Variants in MON2 observed in about 807,000 individuals in gnomAD.
MON2 encodes the protein MON2 regulator of endosome-to-Golgi trafficking.
In MON2, 84 loss-of-function variants were observed where a neutral mutation model predicts 208.6. That is an observed-to-expected ratio of 0.40 (90% CI 0.34 to 0.48). The LOEUF (loss-of-function observed/expected upper bound fraction) is 0.48, where lower values mean the gene tolerates loss of function less well. Ranked by LOEUF, MON2 falls within the 20% of genes least tolerant of loss-of-function variation. The pLI, the probability that MON2 is intolerant of heterozygous loss-of-function variation, is 0.59. For synonymous variants in MON2, 660 were observed against 694.0 expected (o/e 0.95, Z 0.77); for missense variants, 1,611 against 2,015.4 (o/e 0.80, Z 3.84).
chr12:62,585,502 G>A lies in MON2; in HGVS notation c.4907+1G>A. ...TAAGTGGTAAATGCCCTCTTCCAAG[G>A]TATATATTTCATTTTATTAAAGAAA... On this transcript the variant is annotated splice_donor_variant, in intron 33 of 34. Transcript: ENST00000393630. LOFTEE classifies it high-confidence loss of function. The A allele has an allele frequency of 6.4e-7, 1 of 1,564,974 alleles. No individual in the cohort carries two copies. Among genetic ancestry groups the A allele is most frequent in the Non-Finnish European group, 8.7e-7 (1 of 1,147,582 alleles).
At chr12:62,532,734 T>TA in intron 12 of MON2, 64 bp downstream of exon 12, 1 of 1,257,734 alleles carries the variant, frequency 8.0e-7, no homozygotes, top group East Asian at 2.5e-5. Flanking sequence ...GCAAAAATTG[T>TA]AGTCTTTATA....
intron 3 of MON2, among the ~76,000 whole-genome samples, chr12:62,494,640 A>G (rs1467154071): frequency 6.6e-6 from 1 of 152,166 alleles, no homozygotes; most frequent in Admixed American, 6.5e-5. Flanking sequence ...TCTGTAGCAT[A>G]CTGTAAATGA....
At chr12:62,577,251 C>G (rs767910753) in intron 30 of MON2, among the ~76,000 whole-genome samples, 42 of 151,968 alleles carry the variant, frequency 2.8e-4, no homozygotes, top group Non-Finnish European at 5.7e-4. Context: ...TTTTTTTACT[C>G]TAGTTCCTAC....
rs1208514948 is a variant in MON2, at chr12:62,592,571, A to G, written c.4991-15A>G. 3.8e-6 allele frequency: 6 copies of G among 1,567,218 alleles called. No individual in the cohort carries two copies. In the East Asian group the frequency reaches 6.8e-5, roughly 18 times the overall value. On this transcript the variant is annotated splice_polypyrimidine_tract_variant and intron_variant, in intron 34 of 34. Transcript: ENST00000393630. ...TAATTCCACCCTTTTGAGGTTTTAT[A>G]CTTTTGCATTACAGTTGATGGAAAT...
chr12:62,577,401 A>T (rs889861534), intron 30 of MON2, among the ~76,000 whole-genome samples: 4 of 152,106 alleles, frequency 2.6e-5, no homozygotes, highest in Non-Finnish European at 4.4e-5. Context: ...TACTCAGTAG[A>T]TATTTGTTGA....
chr12:62,470,648 T>C, intron 1 of MON2: 1 of 838,782 alleles, frequency 1.2e-6, no homozygotes, highest in Non-Finnish European at 1.5e-6. Context: ...CTCTGAAGCT[T>C]TATGTTTATG....
At chr12:62,490,992 A>G (rs1305907762) in intron 2 of MON2, among the ~76,000 whole-genome samples, 4 of 152,206 alleles carry the variant, frequency 2.6e-5, no homozygotes, top group African/African-American at 7.2e-5. Flanking sequence ...TGCATCTTGC[A>G]GTTGATGGCA....
chr12:62,519,524 A>G (rs2071891000), intron 8 of MON2, among the ~76,000 whole-genome samples: 1 of 152,256 alleles, frequency 6.6e-6, no homozygotes, highest in Non-Finnish European at 1.5e-5. Flanking sequence ...AAATGATACT[A>G]AACCTATTAC....
intron 23 of MON2, 47 bp from the exon 24 acceptor site, chr12:62,552,833 TA>T: frequency 1.3e-6 from 2 of 1,497,190 alleles, no homozygotes; most frequent in Non-Finnish European, 1.8e-6. Flanking sequence ...TTTATGTGTT[TA>T]AAACAAAACC....
At chr12:62,497,922 C>T (rs1010471447) in intron 4 of MON2, among the ~76,000 whole-genome samples, 4 of 152,084 alleles carry the variant, frequency 2.6e-5, no homozygotes, top group South Asian at 2.1e-4. Flanking sequence ...AGCCAACTGG[C>T]GGTTTCTTAA....
At chr12:62,505,289 A>C (rs952553753) in intron 7 of MON2, among the ~76,000 whole-genome samples, 1 of 152,194 alleles carries the variant, frequency 6.6e-6, no homozygotes, top group African/African-American at 2.4e-5. Flanking sequence ...AGTTGGACTT[A>C]TGCATTTCAA....
intron 32 of MON2, 146 bp from the exon 33 acceptor site, chr12:62,585,146 CTA>C: frequency 2.0e-6 from 1 of 503,780 alleles, no homozygotes; most frequent in South Asian, 2.3e-5. Flanking sequence ...CACATTTTCA[CTA>C]TATGTATGCT....
At chr12:62,521,188 T>C (rs1413352492) in intron 8 of MON2, among the ~76,000 whole-genome samples, 2 of 151,980 alleles carry the variant, frequency 1.3e-5, no homozygotes, top group East Asian at 3.9e-4. Context: ...AAAATATTTT[T>C]AGTAGACACG....
At chr12:62,560,368 T>C (rs1249643527) in intron 25 of MON2, 123 bp from the exon 26 acceptor site, 7 of 956,598 alleles carry the variant, frequency 7.3e-6, no homozygotes, top group Non-Finnish European at 1.1e-5. Flanking sequence ...CCTAGTCATA[T>C]ATTTTCCAGT....
intron 10 of MON2, 85 bp from the exon 11 acceptor site, chr12:62,525,864 A>G: frequency 7.6e-7 from 1 of 1,313,868 alleles, no homozygotes; most frequent in Non-Finnish European, 1.1e-6. Flanking sequence ...TTTTTTTTAA[A>G]GATTGGCCAG....
At chr12:62,490,727 C>T (rs947698133) in intron 2 of MON2, among the ~76,000 whole-genome samples, 1 of 151,912 alleles carries the variant, frequency 6.6e-6, no homozygotes, top group African/African-American at 2.4e-5. Flanking sequence ...ATCATTTATT[C>T]TAGATAACAT....
chr12:62,536,622 G>C (rs1284934775), intron 14 of MON2, among the ~76,000 whole-genome samples: 1 of 151,472 alleles, frequency 6.6e-6, no homozygotes, highest in Non-Finnish European at 1.5e-5. Flanking sequence ...ATTTTATGTT[G>C]TATAGAAAAT....
intron 11 of MON2, among the ~76,000 whole-genome samples, chr12:62,531,798 G>A (rs1298312059): frequency 6.6e-6 from 1 of 151,530 alleles, no homozygotes; most frequent in Non-Finnish European, 1.5e-5. Context: ...GAGACAGAGT[G>A]TCACTCTGTT....
chr12:62,534,193 CCA>C (rs1565655348), intron 12 of MON2, among the ~76,000 whole-genome samples: 1 of 151,080 alleles, frequency 6.6e-6, no homozygotes, highest in African/African-American at 2.4e-5. Flanking sequence ...GAGTTTGAGT[CCA>C]GTCTGAGTAA....
Sources: allele counts gnomAD v4.1 joint callset (sites outside exome capture counted in the v4.1 genomes callset), GRCh38; gene constraint gnomAD v4.1.1; transcripts MANE v1.5; gene names NCBI Gene and HGNC (gene_info 2026-07-23, HGNC 2026-07-21).